The following MYRIP variants were observed in gnomAD, a reference collection of about 807,000 sequenced individuals.
MYRIP encodes rab effector MyRIP.
MYRIP carries 49 observed loss-of-function variants against 98.0 expected under a neutral mutation model. That is an observed-to-expected ratio of 0.50 (90% CI 0.40 to 0.63). The LOEUF (loss-of-function observed/expected upper bound fraction) is 0.63. Among genes scored for constraint, MYRIP ranks in the 30% least tolerant of loss-of-function variants. The pLI, the probability that MYRIP is intolerant of heterozygous loss-of-function variation, is 0.00. For missense variants in MYRIP, 1,004 were observed against 1,058.2 expected, an observed-to-expected ratio of 0.95 and a Z score of 0.71; for synonymous variants, 404 against 409.5, an observed-to-expected ratio of 0.99 and a Z score of 0.16.
chr3:39,902,005 G>A (rs1943754097), intron 2 of MYRIP, among the ~76,000 whole-genome samples: 1 of 152,142 alleles, frequency 6.6e-6, no homozygotes, highest in Non-Finnish European at 1.5e-5. Flanking sequence ...AAGGGCATGA[G>A]TAGAGCTTTG....
intron 3 of MYRIP, among the ~76,000 whole-genome samples, chr3:40,084,342 A>C (rs1575524697): frequency 6.7e-6 from 1 of 148,912 alleles, no homozygotes; most frequent in African/African-American, 2.5e-5. Flanking sequence ...ATACACATCT[A>C]TGTATTATAT....
At chr3:40,134,951 C>T (rs973532758) in intron 3 of MYRIP, among the ~76,000 whole-genome samples, 1 of 152,064 alleles carries the variant, frequency 6.6e-6, no homozygotes, top group African/African-American at 2.4e-5. Context: ...AGCAGAAAAA[C>T]CAGAAACTCT....
intron 11 of MYRIP, among the ~76,000 whole-genome samples, chr3:40,223,078 A>G (rs1952382726): frequency 6.6e-6 from 1 of 152,246 alleles, no homozygotes; most frequent in African/African-American, 2.4e-5. Context: ...TGAAGTTAAA[A>G]CTTAAAAAGT....
intron 3 of MYRIP, among the ~76,000 whole-genome samples, chr3:40,135,680 A>T (rs1949749392): frequency 7.9e-5 from 12 of 152,232 alleles, no homozygotes; most frequent in Admixed American, 7.9e-4. Context: ...CTAACAGCTG[A>T]TCTCTCCGCA....
chr3:40,106,110 A>G (rs1324502981), intron 3 of MYRIP, among the ~76,000 whole-genome samples: 1 of 152,204 alleles, frequency 6.6e-6, no homozygotes, highest in East Asian at 1.9e-4. Flanking sequence ...TCCAAAGCAT[A>G]TCACATACCA....
chr3:40,021,231 G>C (rs142773191), intron 2 of MYRIP, among the ~76,000 whole-genome samples: 177 of 152,226 alleles, frequency 1.2e-3, no homozygotes, highest in Non-Finnish European at 2.2e-3. Context: ...AGGAAAGGTG[G>C]TTCACTATAC....
chr3:40,186,397 G>C (rs944681055), intron 9 of MYRIP, among the ~76,000 whole-genome samples: 2 of 152,172 alleles, frequency 1.3e-5, no homozygotes, highest in Non-Finnish European at 2.9e-5. Context: ...AGGGAGGGGA[G>C]TAGAAATGTG....
At chr3:39,853,207 C>T (rs1029524256) in intron 1 of MYRIP, among the ~76,000 whole-genome samples, 1 of 152,190 alleles carries the variant, frequency 6.6e-6, no homozygotes, top group Non-Finnish European at 1.5e-5. Context: ...AATTGTGCTG[C>T]TATAAACATG....
intron 3 of MYRIP, among the ~76,000 whole-genome samples, chr3:40,084,077 C>T (rs1469579981): frequency 1.6e-5 from 2 of 122,810 alleles, no homozygotes; most frequent in South Asian, 2.7e-4. Context: ...GCGGAACTTG[C>T]AGGGAGCCGA....
chr3:39,939,420 G>A lies in MYRIP; in HGVS notation c.110+38494G>A, dbSNP rs548118059. Among the ~76,000 whole-genome samples, 3 of 152,056 alleles carry A rather than the reference G, an allele frequency of 2.0e-5. No individual in the cohort carries two copies. In the South Asian group the frequency reaches 6.2e-4, roughly 32 times the overall value. On this transcript the variant is annotated intron_variant, in intron 2 of 16. Coordinates refer to ENST00000302541, the MANE Select transcript of MYRIP (RefSeq NM_015460.4). ...GCTACATGGAAAAAAAGTCCATGCA[G>A]TTAAAAAAATAAAGCAGGACATAAA...
intron 3 of MYRIP, among the ~76,000 whole-genome samples, chr3:40,051,679 C>A (rs190948906): frequency 1.8e-3 from 268 of 152,180 alleles, no homozygotes; most frequent in African/African-American, 6.0e-3. Flanking sequence ...AAAAATTATT[C>A]TTGGAACTGA....
chr3:40,158,829 T>C (rs1950308198), intron 4 of MYRIP, among the ~76,000 whole-genome samples: 1 of 147,424 alleles, frequency 6.8e-6, no homozygotes, highest in African/African-American at 2.7e-5. Flanking sequence ...CCCTGCCTTA[T>C]TTTGTTTTCC....
rs1953660483 is a variant in MYRIP, at chr3:40,258,188, G to C, written c.*22G>C. Reference sequence around the variant, plus strand: ...CTGACACCATGGAATTCCACTGCCAGTGACCCACTGCCTCCGGCCGTACAC... The same window carrying C: ...CTGACACCATGGAATTCCACTGCCACTGACCCACTGCCTCCGGCCGTACAC... On this transcript the variant is annotated 3_prime_UTR_variant, in exon 17 of 17. Transcript: ENST00000302541. The C allele has an allele frequency of 6.2e-7, 1 of 1,614,132 alleles. No homozygotes were observed. Among genetic ancestry groups the C allele is most frequent in the Non-Finnish European group, 8.5e-7 (1 of 1,179,982 alleles).
intron 1 of MYRIP, among the ~76,000 whole-genome samples, chr3:39,885,026 C>A (rs901544101): frequency 6.7e-6 from 1 of 148,554 alleles, no homozygotes; most frequent in Non-Finnish European, 1.5e-5. Context: ...TATGAAAGTG[C>A]CTATTTCCTC....
At chr3:39,933,991 A>C (rs1246219436) in intron 2 of MYRIP, among the ~76,000 whole-genome samples, 2 of 152,176 alleles carry the variant, frequency 1.3e-5, no homozygotes, top group South Asian at 4.1e-4. Context: ...ACTTGTTAGA[A>C]ATGTAAATTC....
At chr3:40,040,722 C>T (rs1395522702) in intron 2 of MYRIP, among the ~76,000 whole-genome samples, 4 of 58,646 alleles carry the variant, frequency 6.8e-5, no homozygotes, top group Non-Finnish European at 1.0e-4. Context: ...AGTAAACTAT[C>T]GCAAGAACAA....
chr3:40,017,693 CTTTT>C (rs904657247), intron 2 of MYRIP, among the ~76,000 whole-genome samples: 4 of 114,768 alleles, frequency 3.5e-5, no homozygotes, highest in African/African-American at 3.3e-5. Flanking sequence ...TAATTTACTT[CTTTT>C]TTTTTTTTTT....
Position 40,260,084 on chromosome 3 carries a change from A to C in MYRIP, c.*1918A>C, listed in dbSNP as rs1431219444. 1 of 152,662 alleles carries C rather than the reference A, an allele frequency of 6.6e-6. No homozygotes were observed. Among genetic ancestry groups the C allele is most frequent in the Non-Finnish European group, 1.5e-5 (1 of 68,038 alleles). 9.5% of individuals were successfully genotyped at this position (152,662 alleles called of 1,614,324 possible). On this transcript the variant is annotated 3_prime_UTR_variant, in exon 17 of 17. Transcript: ENST00000302541. Reference sequence around the variant, plus strand: ...TAATTTACTATTAAAAACCATAAGCATATGTTATAGTTCCAGAAGAATTAT... The same window carrying C: ...TAATTTACTATTAAAAACCATAAGCCTATGTTATAGTTCCAGAAGAATTAT...
intron 12 of MYRIP, among the ~76,000 whole-genome samples, chr3:40,244,009 T>C (rs1351251343): frequency 6.6e-6 from 1 of 152,234 alleles, no homozygotes; most frequent in African/African-American, 2.4e-5. Context: ...TTTGTAATTA[T>C]TTTAAATTAT....
Sources: gnomAD v4.1 joint callset for allele counts (sites outside exome capture counted in the v4.1 genomes callset) on GRCh38, gnomAD v4.1.1 for gene constraint, MANE v1.5 for transcripts, NCBI Gene and HGNC (gene_info 2026-07-23, HGNC 2026-07-21) for gene names.